The following SLC13A3 variants were observed in gnomAD, a reference collection of about 807,000 sequenced individuals.
SLC13A3 encodes solute carrier family 13 member 3.
A neutral mutation model predicts 59.0 loss-of-function variants in SLC13A3; 40 were observed. The observed-to-expected ratio is 0.68, with a 90% CI of 0.53 to 0.88. SLC13A3 has a LOEUF of 0.88. SLC13A3 is among the 40% of genes least tolerant of loss of function. The pLI is 0.00. For synonymous variants in SLC13A3, 317 were observed against 330.3 expected (o/e 0.96, Z 0.44); for missense variants, 699 against 783.2 (o/e 0.89, Z 1.28).
chr20:46,619,483 A>C (rs764542916), intron 1 of SLC13A3, among the ~76,000 whole-genome samples: 2 of 152,184 alleles, frequency 1.3e-5, no homozygotes, highest in African/African-American at 4.8e-5. Flanking sequence ...CCTCCACATA[A>C]GCAGTCAAAG....
Position 46,600,049 on chromosome 20 carries a change from G to A in SLC13A3, c.542-12C>T. 6.4e-7 allele frequency: 1 copy of A among 1,554,210 alleles called. No individual in the cohort carries two copies. Among genetic ancestry groups the A allele is most frequent in the Non-Finnish European group, 8.8e-7 (1 of 1,139,244 alleles). ...TCTCCGCACAGCAGCTAGGAGGAAA[G>A]AGCATGATGTCTTTAATGTAATGTA... On this transcript the variant is annotated splice_polypyrimidine_tract_variant and intron_variant, in intron 3 of 12. Coordinates refer to ENST00000279027, the MANE Select transcript of SLC13A3 (RefSeq NM_022829.6).
intron 1 of SLC13A3, among the ~76,000 whole-genome samples, chr20:46,617,667 C>T (rs2062573728): frequency 6.6e-6 from 1 of 151,680 alleles, no homozygotes; most frequent in African/African-American, 2.4e-5. Context: ...ATTAGAATTC[C>T]TAAAAATTTG....
intron 5 of SLC13A3, among the ~76,000 whole-genome samples, chr20:46,595,632 G>A (rs536305342): frequency 4.6e-5 from 7 of 152,138 alleles, no homozygotes; most frequent in Non-Finnish European, 7.3e-5. Context: ...AACACTTACC[G>A]CTATAACCTT....
At chr20:46,662,142 T>C (rs2063034238) in intron 1 of SLC13A3, among the ~76,000 whole-genome samples, 2 of 152,190 alleles carry the variant, frequency 1.3e-5, no homozygotes. Flanking sequence ...GAGTCTCTTC[T>C]CCCCCATTAT....
At chr20:46,587,682 G>A (rs1428341941) in intron 8 of SLC13A3, among the ~76,000 whole-genome samples, 1 of 152,116 alleles carries the variant, frequency 6.6e-6, no homozygotes, top group Non-Finnish European at 1.5e-5. Context: ...CAGTTGTTTT[G>A]TTGTCTAACT....
rs79456100 is a variant in SLC13A3 at position 46,579,797 on chromosome 20, G to C, written c.1219+3775C>G. 3.1e-3 allele frequency among the ~76,000 whole-genome samples: 468 copies of C among 152,316 alleles called. 3 individuals are homozygous for C. Among genetic ancestry groups the C allele is most frequent in the South Asian group, 7.9e-3 (38 of 4,830 alleles). Reference sequence around the variant, plus strand: ...CAGGGAGATTCCACATAAAAATCTAGATTTTTGGCTTCTTTTGAAAAATCA... The same window carrying C: ...CAGGGAGATTCCACATAAAAATCTACATTTTTGGCTTCTTTTGAAAAATCA... On this transcript the variant is annotated intron_variant, in intron 9 of 12. Coordinates refer to ENST00000279027, the MANE Select transcript of SLC13A3 (RefSeq NM_022829.6).
At chr20:46,676,725 T>C (rs992328501) in intron 1 of SLC13A3, among the ~76,000 whole-genome samples, 2 of 151,874 alleles carry the variant, frequency 1.3e-5, no homozygotes, top group African/African-American at 4.8e-5. Context: ...TCGCTGGGAC[T>C]ACAGGCATGC....
intron 12 of SLC13A3, 95 bp from the exon 13 acceptor site, chr20:46,560,293 G>T: frequency 1.6e-6 from 2 of 1,222,412 alleles, no homozygotes; most frequent in Non-Finnish European, 2.4e-6. Context: ...ACTCACCCAA[G>T]ATCGCACAGC....
At chr20:46,565,126 C>T (rs1056638127) in intron 11 of SLC13A3, among the ~76,000 whole-genome samples, 126 of 152,230 alleles carry the variant, frequency 8.3e-4, no homozygotes, top group Middle Eastern at 3.4e-3. Context: ...TTGATAGTTT[C>T]CTTTTTAAAA....
chr20:46,627,903 C>T (rs2062692710), intron 1 of SLC13A3, among the ~76,000 whole-genome samples: 1 of 152,188 alleles, frequency 6.6e-6, no homozygotes. Flanking sequence ...GGTGTAGTGT[C>T]TTCAGGACCA....
At chr20:46,611,017 G>A (rs994408771) in intron 2 of SLC13A3, among the ~76,000 whole-genome samples, 4 of 151,468 alleles carry the variant, frequency 2.6e-5, no homozygotes, top group African/African-American at 4.9e-5. Context: ...CTTCTCACCC[G>A]CACCCAACAC....
intron 1 of SLC13A3, among the ~76,000 whole-genome samples, chr20:46,638,665 GC>G (rs1192244163): frequency 1.3e-5 from 2 of 152,196 alleles, no homozygotes; most frequent in Non-Finnish European, 2.9e-5. Flanking sequence ...AGGCTAGCAT[GC>G]CCCTCTTTAG....
rs145910455 is a variant in SLC13A3 at position 46,565,052 on chromosome 20, A to G, written c.1494+1177T>C. Reference sequence around the variant, plus strand: ...CTTGCATCATTGATTTAATTTTATCAGCGTGGGTTACATTAAGGTAATTAC... The same window carrying G: ...CTTGCATCATTGATTTAATTTTATCGGCGTGGGTTACATTAAGGTAATTAC... On this transcript the variant is annotated intron_variant, in intron 11 of 12. Transcript: ENST00000279027. Among the ~76,000 whole-genome samples the G allele has an allele frequency of 2.0e-3, 298 of 152,344 alleles. 2 individuals carry two copies. Among genetic ancestry groups the G allele is most frequent in the African/African-American group, 7.0e-3 (290 of 41,574 alleles).
intron 10 of SLC13A3, among the ~76,000 whole-genome samples, chr20:46,568,360 C>T (rs3092109): frequency 0.22 from 32,441 of 144,738 alleles, 3,803 homozygotes; most frequent in East Asian, 0.34. Flanking sequence ...ATCACGCCAC[C>T]GCACTCCAGT....
chr20:46,590,902 A>C (rs111612297), intron 6 of SLC13A3, among the ~76,000 whole-genome samples: 92 of 152,110 alleles, frequency 6.0e-4, no homozygotes, highest in African/African-American at 2.2e-3. Flanking sequence ...TGGGTGGCTC[A>C]TGCCTGTAAT....
intron 1 of SLC13A3, among the ~76,000 whole-genome samples, chr20:46,624,187 C>A (rs988973441): frequency 6.6e-6 from 1 of 152,220 alleles, no homozygotes; most frequent in Non-Finnish European, 1.5e-5. Flanking sequence ...CCCCATCCTT[C>A]TAGTTCTGGC....
intron 1 of SLC13A3, among the ~76,000 whole-genome samples, chr20:46,637,037 G>C (rs1226022426): frequency 1.3e-5 from 2 of 152,152 alleles, no homozygotes; most frequent in Admixed American, 6.5e-5. Context: ...CTGACCTTGT[G>C]ATCTGCCCAC....
intron 10 of SLC13A3, among the ~76,000 whole-genome samples, chr20:46,573,429 G>A (rs2062047031): frequency 6.6e-6 from 1 of 152,178 alleles, no homozygotes; most frequent in Non-Finnish European, 1.5e-5. Flanking sequence ...GGCTGGGACT[G>A]CCTCCAGCTG....
chr20:46,664,097 T>C (rs1471789705), intron 1 of SLC13A3, among the ~76,000 whole-genome samples: 1 of 152,168 alleles, frequency 6.6e-6, no homozygotes, highest in African/African-American at 2.4e-5. Context: ...CTGAGGAGCA[T>C]TAAAAGTGCT....
Sources: gnomAD v4.1 joint callset for allele counts (sites outside exome capture counted in the v4.1 genomes callset) on GRCh38, gnomAD v4.1.1 for gene constraint, MANE v1.5 for transcripts, NCBI Gene and HGNC (gene_info 2026-07-23, HGNC 2026-07-21) for gene names.